Variants in CRADD observed in about 807,000 individuals in gnomAD.
CRADD encodes CARD and death domain containing adaptor protein.
A neutral mutation model predicts 15.5 loss-of-function variants in CRADD; 9 were observed. The ratio of observed to expected loss-of-function variants is 0.58; its 90% CI spans 0.35 to 1.01. The LOEUF is 1.01. Ranked by LOEUF, CRADD falls within the 50% of genes least tolerant of loss-of-function variation. CRADD has a pLI of 0.02. For synonymous variants in CRADD, 118 were observed against 107.6 expected (o/e 1.10, Z -0.60); for missense variants, 227 against 250.3 (o/e 0.91, Z 0.63).
At chr12:93,891,729 G>A (rs1958577096) in intron 2 of CRADD, among the ~76,000 whole-genome samples, 1 of 152,192 alleles carries the variant, frequency 6.6e-6, no homozygotes, top group Non-Finnish European at 1.5e-5. Flanking sequence ...AGAGGTTGGA[G>A]AACAGGCTGA....
chr12:93,762,180 G>A (rs1329102325), intron 2 of CRADD, among the ~76,000 whole-genome samples: 1 of 152,200 alleles, frequency 6.6e-6, no homozygotes, highest in African/African-American at 2.4e-5. Flanking sequence ...CATCATGATA[G>A]CTTCTAAATA....
downstream of CRADD, among the ~76,000 whole-genome samples, chr12:93,855,246 G>GAC (rs145462608): frequency 2.3e-3 from 353 of 151,620 alleles, 1 homozygote; most frequent in African/African-American, 8.1e-3. Context: ...TGGACACACA[G>GAC]ACACACACAC....
intron 2 of CRADD, among the ~76,000 whole-genome samples, chr12:93,730,207 G>T (rs1437715548): frequency 1.3e-5 from 2 of 152,224 alleles, no homozygotes; most frequent in Non-Finnish European, 2.9e-5. Flanking sequence ...GCTTGTCCTA[G>T]ATCACACATT....
intron 2 of CRADD, among the ~76,000 whole-genome samples, chr12:93,764,537 C>T (rs940347453): frequency 1.3e-5 from 2 of 151,634 alleles, no homozygotes; most frequent in African/African-American, 2.4e-5. Flanking sequence ...AAAGTCATCT[C>T]GAAGTTTCAG....
At chr12:93,800,277 C>T (rs962856330) in intron 2 of CRADD, among the ~76,000 whole-genome samples, 32 of 152,198 alleles carry the variant, frequency 2.1e-4, no homozygotes, top group Admixed American at 1.0e-3. Context: ...AAGAAGAGTG[C>T]TGTTGCCCAA....
chr12:93,894,225 G>T, exon 3 of CRADD: 3 of 623,144 alleles, frequency 4.8e-6, no homozygotes, highest in Non-Finnish European at 5.9e-6. Flanking sequence ...ATTTGACAAT[G>T]TCTGGAGGCG....
chr12:93,742,266 T>C (rs1053290478), intron 2 of CRADD, among the ~76,000 whole-genome samples: 3 of 152,196 alleles, frequency 2.0e-5, no homozygotes, highest in Non-Finnish European at 2.9e-5. Flanking sequence ...AGATCCCTTG[T>C]GTTAATTTAA....
intron 2 of CRADD, among the ~76,000 whole-genome samples, chr12:93,782,356 G>T (rs557966300): frequency 6.8e-6 from 1 of 146,078 alleles, no homozygotes; most frequent in Non-Finnish European, 1.5e-5. Context: ...GTTGGGGGAG[G>T]GGGGAGGGAT....
intron 2 of CRADD, among the ~76,000 whole-genome samples, chr12:93,835,163 GT>G (rs940761706): frequency 6.6e-6 from 1 of 151,588 alleles, no homozygotes; most frequent in Non-Finnish European, 1.5e-5. Context: ...GAATTTTTTA[GT>G]TTTTTTTCAT....
At chr12:93,723,270 A>G (rs996948691) in intron 2 of CRADD, among the ~76,000 whole-genome samples, 1 of 152,228 alleles carries the variant, frequency 6.6e-6, no homozygotes, top group Non-Finnish European at 1.5e-5. Context: ...CTCAGGAGTC[A>G]TGTAGCCAGA....
intron 2 of CRADD, among the ~76,000 whole-genome samples, chr12:93,696,647 A>G (rs1251302472): frequency 3.3e-5 from 5 of 152,166 alleles, no homozygotes; most frequent in African/African-American, 1.2e-4. Context: ...AATAAGTTCA[A>G]GAGATCTATT....
chr12:93,813,886 G>A (rs539273050), intron 2 of CRADD, among the ~76,000 whole-genome samples: 2 of 152,276 alleles, frequency 1.3e-5, no homozygotes, highest in Non-Finnish European at 2.9e-5. Flanking sequence ...TGGAGACTCT[G>A]AGAATAGTTA....
chr12:93,827,233 C>T (rs1334832114), intron 2 of CRADD, among the ~76,000 whole-genome samples: 1 of 152,124 alleles, frequency 6.6e-6, no homozygotes, highest in Non-Finnish European at 1.5e-5. Flanking sequence ...TTCCCATCAC[C>T]CCCATCTCCA....
At chr12:93,772,037 C>G (rs1467536193) in intron 2 of CRADD, among the ~76,000 whole-genome samples, 4 of 152,136 alleles carry the variant, frequency 2.6e-5, no homozygotes, top group Non-Finnish European at 4.4e-5. Context: ...TTGAGGTAAC[C>G]TAATTTATAA....
intron 2 of CRADD, among the ~76,000 whole-genome samples, chr12:93,775,632 C>G (rs1019073395): frequency 2.0e-5 from 3 of 152,148 alleles, no homozygotes; most frequent in Non-Finnish European, 2.9e-5. Context: ...GCTTAGTACC[C>G]CAGGCTTGTC....
At chr12:93,696,282 C>T (rs1031643429) in intron 2 of CRADD, among the ~76,000 whole-genome samples, 6 of 152,182 alleles carry the variant, frequency 3.9e-5, no homozygotes, top group Non-Finnish European at 7.3e-5. Flanking sequence ...GATAGCTACA[C>T]TTTCATGTTC....
At chr12:93,752,923 G>A (rs1956843978) in intron 2 of CRADD, among the ~76,000 whole-genome samples, 1 of 152,218 alleles carries the variant, frequency 6.6e-6, no homozygotes, top group Non-Finnish European at 1.5e-5. Flanking sequence ...TGGCAGACAA[G>A]AGAAGAGAGC....
rs1207931375 is a variant in CRADD, at chr12:93,678,821, TG to T, written c.50del (p.Gly17ValfsTer20). On this transcript the variant is annotated frameshift_variant, in exon 2 of 3. Transcript: ENST00000332896. LOFTEE classifies it high-confidence loss of function. ...GTACTCCGCTCACTTCGCCTGGAGC[TG>T]GGTGCAGAGGTATTGGTGGAGGGAC... The part of the protein sequence containing the change: ...KQVLRSLRLE[L>X]GAEVLVEGLV... 1 of 1,614,164 alleles carries T rather than the reference TG, an allele frequency of 6.2e-7. No homozygotes were observed. Among genetic ancestry groups the T allele is most frequent in the Admixed American group, 1.7e-5 (1 of 60,024 alleles).
intron 2 of CRADD, among the ~76,000 whole-genome samples, chr12:93,706,328 A>G (rs181689715): frequency 3.9e-5 from 6 of 152,366 alleles, no homozygotes; most frequent in African/African-American, 1.2e-4. Flanking sequence ...GGTGAGTGTG[A>G]ATTCATAGTA....
Sources: allele counts gnomAD v4.1 joint callset (sites outside exome capture counted in the v4.1 genomes callset), GRCh38; gene constraint gnomAD v4.1.1; transcripts MANE v1.5; gene names NCBI Gene and HGNC (gene_info 2026-07-23, HGNC 2026-07-21).